Variants in DCC observed in about 807,000 individuals in gnomAD.
DCC encodes DCC netrin 1 receptor.
DCC carries 58 observed loss-of-function variants against 172.5 expected under a neutral mutation model. The ratio of observed to expected loss-of-function variants is 0.34; its 90% confidence interval spans 0.27 to 0.42. DCC has a LOEUF of 0.42. Ranked by LOEUF, DCC falls within the 10% of genes least tolerant of loss-of-function variation. DCC has a pLI of 1.00. For missense variants in DCC, 1,740 were observed against 1,791.0 expected, an observed-to-expected ratio of 0.97 and a Z score of 0.51; for synonymous variants, 709 against 644.5, an observed-to-expected ratio of 1.10 and a Z score of -1.52.
At chr18:53,148,864 C>T (rs1352239991) in intron 7 of DCC, among the ~76,000 whole-genome samples, 4 of 70,706 alleles carry the variant, frequency 5.7e-5, no homozygotes, top group Non-Finnish European at 1.1e-4. Flanking sequence ...CTTCCCAATG[C>T]CTTTTTTTTT....
At chr18:53,023,866 T>A (rs971743248) in intron 5 of DCC, among the ~76,000 whole-genome samples, 10 of 152,196 alleles carry the variant, frequency 6.6e-5, no homozygotes, top group Admixed American at 3.3e-4. Context: ...GAAAGCATGC[T>A]ATCCTGCCTG....
Position 53,010,091 on chromosome 18 carries a change from T to C in DCC, c.986-53214T>C, listed in dbSNP as rs546371817. 3.0e-4 allele frequency among the ~76,000 whole-genome samples: 45 copies of C among 152,126 alleles called. No homozygotes were observed. In the South Asian group the frequency reaches 9.1e-3, roughly 31 times the overall value. The stretch of plus-strand genomic sequence containing the variant: ...CTCATACTGGTTTTGTTTAGTTTAG[T>C]TAATGTTGCAATTAATCTCTGCAAA... On this transcript the variant is annotated intron_variant, in intron 5 of 28. Transcript: ENST00000442544.
intron 5 of DCC, among the ~76,000 whole-genome samples, chr18:53,012,584 T>A (rs2041746030): frequency 6.6e-6 from 1 of 152,104 alleles, no homozygotes; most frequent in South Asian, 2.1e-4. Flanking sequence ...ATTTTGTTGG[T>A]GTAGACATAT....
chr18:52,651,183 G>A (rs2035124298), intron 1 of DCC, among the ~76,000 whole-genome samples: 1 of 152,008 alleles, frequency 6.6e-6, no homozygotes, highest in South Asian at 2.1e-4. Flanking sequence ...TATTTTTTGA[G>A]AGTAGGTGTC....
At chr18:53,150,671 C>T (rs1449028439) in intron 7 of DCC, among the ~76,000 whole-genome samples, 1 of 152,194 alleles carries the variant, frequency 6.6e-6, no homozygotes, top group Non-Finnish European at 1.5e-5. Flanking sequence ...TAACTGAAAC[C>T]TGAAGGAGGC....
chr18:52,658,924 T>C (rs1315129526), intron 1 of DCC, among the ~76,000 whole-genome samples: 1 of 152,198 alleles, frequency 6.6e-6, no homozygotes, highest in Admixed American at 6.5e-5. Flanking sequence ...TAAATCAGAA[T>C]TTGTCATTCA....
intron 7 of DCC, among the ~76,000 whole-genome samples, chr18:53,083,380 G>T (rs1041938423): frequency 6.6e-6 from 1 of 152,274 alleles, no homozygotes; most frequent in Non-Finnish European, 1.5e-5. Context: ...TTAGCAACAT[G>T]AAAGAACACT....
chr18:53,349,004 T>C (rs1396877535), intron 15 of DCC, among the ~76,000 whole-genome samples: 1 of 152,212 alleles, frequency 6.6e-6, no homozygotes, highest in Non-Finnish European at 1.5e-5. Flanking sequence ...TTTCTGCAGC[T>C]GGTTTGAATT....
chr18:52,346,774 A>AT (rs1598850980), intron 1 of DCC, among the ~76,000 whole-genome samples: 1 of 152,288 alleles, frequency 6.6e-6, no homozygotes, highest in Non-Finnish European at 1.5e-5. Flanking sequence ...GGCTATTCTT[A>AT]TGGCATGACT....
intron 12 of DCC, among the ~76,000 whole-genome samples, chr18:53,238,828 A>T (rs528836625): frequency 1.4e-4 from 21 of 152,278 alleles, no homozygotes; most frequent in African/African-American, 4.3e-4. Context: ...AAGTGAACCC[A>T]GAGCAATCAG....
At chr18:53,045,460 G>A (rs977310706) in intron 5 of DCC, among the ~76,000 whole-genome samples, 1 of 151,798 alleles carries the variant, frequency 6.6e-6, no homozygotes, top group African/African-American at 2.4e-5. Context: ...ATTATTTTGT[G>A]TCTGAGTTGA....
intron 2 of DCC, among the ~76,000 whole-genome samples, chr18:52,837,913 G>A (rs2038737029): frequency 6.6e-6 from 1 of 152,158 alleles, no homozygotes; most frequent in Non-Finnish European, 1.5e-5. Context: ...GGCAGAAGGG[G>A]AAGCAAATAC....
At chr18:52,963,121 TAAAAA>T (rs201071419) in intron 5 of DCC, among the ~76,000 whole-genome samples, 6 of 151,214 alleles carry the variant, frequency 4.0e-5, no homozygotes, top group African/African-American at 1.2e-4. Context: ...ATTAAAAAAA[TAAAAA>T]AAAGTGAATT....
intron 12 of DCC, among the ~76,000 whole-genome samples, chr18:53,274,933 C>T (rs891004008): frequency 2.0e-4 from 30 of 152,100 alleles, no homozygotes; most frequent in African/African-American, 7.2e-4. Context: ...AGCACTGAGC[C>T]TCAGACAGTT....
Position 52,729,674 on chromosome 18 carries a change from C to T in DCC, c.92-22380C>T, listed in dbSNP as rs534731346. On this transcript the variant is annotated intron_variant, in intron 1 of 28. Transcript: ENST00000442544. ...TGTGGGATTAAAGTTTTAGATAATG[C>T]TAAAGTCAGTGAAAGAAATATTTAC... Among the ~76,000 whole-genome samples, 38 of 152,248 alleles carry T rather than the reference C, an allele frequency of 2.5e-4. No homozygotes were observed. In the South Asian group the frequency reaches 5.2e-3, roughly 21 times the overall value.
chr18:53,533,880 A>T lies in DCC; in HGVS notation c.*3227A>T, dbSNP rs1195156437. ...TTATTCAAAATTAGGTGTATGTTCA[A>T]TCTCCTGCTTTGGTTCCAGCTACAC... On this transcript the variant is annotated 3_prime_UTR_variant, in exon 29 of 29. Transcript: ENST00000442544. The T allele has an allele frequency of 6.6e-6, 1 of 152,184 alleles. No homozygotes were observed. Among genetic ancestry groups the T allele is most frequent in the African/African-American group, 2.4e-5 (1 of 41,464 alleles). The allele number at this position is 152,184 out of a possible 1,614,324, so 9.4% of individuals were successfully genotyped here. A position where few individuals can be genotyped will look rare whatever the true frequency, so the allele number is the denominator to read the frequency against.
At chr18:52,747,954 G>A (rs867980477) in intron 1 of DCC, among the ~76,000 whole-genome samples, 2 of 152,196 alleles carry the variant, frequency 1.3e-5, no homozygotes, top group Admixed American at 6.5e-5. Flanking sequence ...AACACGCAGC[G>A]CTCCTGCCTG....
At chr18:53,137,183 G>A (rs894210487) in intron 7 of DCC, among the ~76,000 whole-genome samples, 1 of 152,296 alleles carries the variant, frequency 6.6e-6, no homozygotes, top group East Asian at 1.9e-4. Context: ...CCATGTGTCA[G>A]GAGTCCAAGC....
intron 3 of DCC, among the ~76,000 whole-genome samples, chr18:52,914,998 GA>G (rs138374097): frequency 2.9e-3 from 438 of 152,060 alleles, no homozygotes; most frequent in African/African-American, 9.7e-3. Flanking sequence ...ACACAATGAG[GA>G]AAAAAGGCTT....
Sources: gnomAD v4.1 joint callset for allele counts (sites outside exome capture counted in the v4.1 genomes callset) on GRCh38, gnomAD v4.1.1 for gene constraint, MANE v1.5 for transcripts, NCBI Gene and HGNC (gene_info 2026-07-23, HGNC 2026-07-21) for gene names.